Variants in SLC39A8 observed in about 807,000 individuals in gnomAD.
The protein encoded by SLC39A8 is metal cation symporter ZIP8.
SLC39A8 carries 15 observed loss-of-function variants against 40.4 expected under a neutral mutation model. The observed-to-expected ratio is 0.37, with a 90% CI of 0.25 to 0.57. SLC39A8 has a LOEUF of 0.57. SLC39A8 is among the 20% of genes least tolerant of loss of function. The pLI, the probability that SLC39A8 is intolerant of heterozygous loss-of-function variation, is 0.75. For missense variants in SLC39A8, 472 were observed against 558.8 expected (o/e 0.84, Z 1.57); for synonymous variants, 223 against 221.6 (o/e 1.01, Z -0.06).
In SLC39A8 at chr4:102,315,609, T is replaced by G. The variant is rs1734617921; in HGVS notation, c.382+59A>C. 2.1e-6 allele frequency: 3 copies of G among 1,462,514 alleles called. No homozygotes were observed. In the South Asian group the frequency reaches 4.4e-5, roughly 22 times the overall value. The allele number at this position is 1,462,514 out of a possible 1,614,324, so 90.6% of individuals were successfully genotyped here. A position where few individuals can be genotyped will look rare whatever the true frequency, so the allele number is the denominator to read the frequency against. ...AAGCAGAAAAAGAGGCATATTAACTTCATTTCACAATGGTTCATAGACTTT... is the reference window on the plus strand; with the variant it reads ...AAGCAGAAAAAGAGGCATATTAACTGCATTTCACAATGGTTCATAGACTTT... On this transcript the variant is annotated intron_variant, in intron 3 of 8. Transcript: ENST00000356736.
intron 11 of SLC39A8, among the ~76,000 whole-genome samples, chr4:102,254,745 T>C (rs1233298290): frequency 2.0e-5 from 3 of 152,220 alleles, no homozygotes; most frequent in Non-Finnish European, 1.5e-5. Flanking sequence ...GCATGGCTTG[T>C]CAAGGTATAT....
In SLC39A8 at chr4:102,339,797, C is replaced by G. The variant is rs897104177; in HGVS notation, c.219+4647G>C. On this transcript the variant is annotated intron_variant, in intron 2 of 8. Coordinates refer to ENST00000356736, the MANE Select transcript of SLC39A8 (RefSeq NM_001135146.2). The stretch of plus-strand genomic sequence containing the variant: ...AAATCCACTGCAGATGGCTCCTTAG[C>G]TCCCACCTTGACCCACTCCAATACA... Among the ~76,000 whole-genome samples the G allele has an allele frequency of 1.1e-4, 17 of 152,226 alleles. No homozygotes were observed. In the East Asian group the frequency reaches 3.3e-3, roughly 29 times the overall value.
intron 3 of SLC39A8, among the ~76,000 whole-genome samples, chr4:102,312,728 G>A (rs1391438491): frequency 1.3e-5 from 2 of 152,068 alleles, no homozygotes; most frequent in African/African-American, 4.8e-5. Context: ...ACTGAATAAT[G>A]TTCGAAGTAC....
chr4:102,321,357 TC>T (rs1273455820), intron 2 of SLC39A8, among the ~76,000 whole-genome samples: 2 of 152,172 alleles, frequency 1.3e-5, no homozygotes, highest in Non-Finnish European at 2.9e-5. Flanking sequence ...TCGGAGAATC[TC>T]TACCTGCCTG....
intron 6 of SLC39A8, among the ~76,000 whole-genome samples, chr4:102,298,844 G>T (rs1436559552): frequency 6.6e-6 from 1 of 152,038 alleles, no homozygotes; most frequent in Non-Finnish European, 1.5e-5. Context: ...CCTCAAAAAA[G>T]TTCAGGGATT....
At chr4:102,320,164 T>C (rs1734843881) in intron 2 of SLC39A8, among the ~76,000 whole-genome samples, 1 of 73,800 alleles carries the variant, frequency 1.4e-5, no homozygotes, top group Non-Finnish European at 2.8e-5. Context: ...CTCATATATA[T>C]ATACATATAT....
At chr4:102,342,389 CCTGGA>C (rs1211851116) in intron 2 of SLC39A8, among the ~76,000 whole-genome samples, 3 of 152,124 alleles carry the variant, frequency 2.0e-5, no homozygotes, top group Non-Finnish European at 4.4e-5. Flanking sequence ...ATCCCAGCTA[CCTGGA>C]AGGCTGAGGC....
chr4:102,344,993 G>T, intron 1 of SLC39A8, 78 bp from the exon 2 acceptor site: 1 of 961,244 alleles, frequency 1.0e-6, no homozygotes, highest in Non-Finnish European at 1.3e-6. Flanking sequence ...AACGCTGCGT[G>T]GCAGTAGCCC....
In SLC39A8 at chr4:102,304,351, A is replaced by T; in HGVS notation, c.806T>A (p.Ile269Asn). 1 of 1,611,408 alleles carries T rather than the reference A, an allele frequency of 6.2e-7. No homozygotes were observed. ...TACCACACTGACATTATCAAAATGG[A>T]TATGTCCATTAGCTTCTGTGACAGC... Reference protein sequence around the residue: ...NPAVTEANGHIHFDNVSVVSL... With the variant: ...NPAVTEANGHNHFDNVSVVSL... The change falls in exon 6 of 9, where the codon ATC (isoleucine) becomes AAC (asparagine). Residue 269 changes from isoleucine to asparagine, a missense_variant. By Grantham distance (149) the Ile-to-Asn change is moderately radical. This residue lies in a region of SLC39A8 where 239 missense variants were observed against 317.9 expected (regional missense o/e 0.75). Transcript: ENST00000356736.
chr4:102,292,872 C>T (rs1170595239), intron 6 of SLC39A8, among the ~76,000 whole-genome samples: 2 of 152,038 alleles, frequency 1.3e-5, no homozygotes, highest in African/African-American at 4.8e-5. Context: ...ATTTAATCCT[C>T]ATAATAATCC....
chr4:102,292,922 G>A (rs978723259), intron 6 of SLC39A8, among the ~76,000 whole-genome samples: 3 of 152,008 alleles, frequency 2.0e-5, no homozygotes, highest in Admixed American at 6.6e-5. Context: ...GATGAAGAAA[G>A]TGAGTTTTAG....
intron 6 of SLC39A8, among the ~76,000 whole-genome samples, chr4:102,281,692 G>C (rs1241303704): frequency 1.3e-5 from 2 of 152,076 alleles, no homozygotes; most frequent in African/African-American, 4.8e-5. Context: ...GCTATTCTCT[G>C]CAAGGGGCAA....
At chr4:102,267,727 A>G (rs1578557359) in intron 7 of SLC39A8, 53 bp from the exon 8 acceptor site, 2 of 1,544,988 alleles carry the variant, frequency 1.3e-6, no homozygotes, top group East Asian at 4.5e-5. Context: ...TTATTTCTGG[A>G]TGATATCAAA....
intron 3 of SLC39A8, among the ~76,000 whole-genome samples, 194 bp from the exon 4 acceptor site, chr4:102,307,799 T>C (rs769938533): frequency 6.6e-6 from 1 of 152,030 alleles, no homozygotes; most frequent in Non-Finnish European, 1.5e-5. Flanking sequence ...TTAATAGTAA[T>C]ACTGTTTATG....
At chr4:102,307,336 C>T in intron 4 of SLC39A8, 100 bp downstream of exon 4, 2 of 1,375,186 alleles carry the variant, frequency 1.5e-6, no homozygotes, top group Non-Finnish European at 2.0e-6. Context: ...TAAACTAGAC[C>T]ATAAAACGCT....
At chr4:102,341,397 G>C (rs563840459) in intron 2 of SLC39A8, among the ~76,000 whole-genome samples, 1 of 152,296 alleles carries the variant, frequency 6.6e-6, no homozygotes, top group African/African-American at 2.4e-5. Context: ...AACATTTGAA[G>C]AATGAGAAAG....
downstream of SLC39A8, among the ~76,000 whole-genome samples, chr4:102,260,944 A>G (rs973574668): frequency 1.4e-4 from 21 of 152,202 alleles, no homozygotes; most frequent in Non-Finnish European, 8.8e-5. Flanking sequence ...TAGTAAACTC[A>G]CTGATTCTGG....
At chr4:102,334,893 G>A (rs1735605186) in intron 2 of SLC39A8, among the ~76,000 whole-genome samples, 1 of 152,156 alleles carries the variant, frequency 6.6e-6, no homozygotes, top group African/African-American at 2.4e-5. Context: ...TTACTCCATG[G>A]GATCAGGAGG....
chr4:102,262,898 A>T lies in SLC39A8; in HGVS notation c.*146T>A. On this transcript the variant is annotated 3_prime_UTR_variant, in exon 9 of 9. Transcript: ENST00000356736. ...AACAACAAATAATGGACTATTTCACAGACTGATGCCAATAATTAGTTTTCT... is the reference window on the plus strand; with the variant it reads ...AACAACAAATAATGGACTATTTCACTGACTGATGCCAATAATTAGTTTTCT... 7.1e-7 allele frequency: 1 copy of T among 1,403,310 alleles called. No individual in the cohort carries two copies. The highest frequency in any genetic ancestry group is 9.2e-7 in the Non-Finnish European group (1 of 1,081,898). The allele number at this position is 1,403,310 out of a possible 1,614,324, so 86.9% of individuals were successfully genotyped here.
Sources: gnomAD v4.1 joint callset for allele counts (sites outside exome capture counted in the v4.1 genomes callset) on GRCh38, gnomAD v4.1.1 for gene constraint, gnomAD v4.1.1 regional missense constraint, MANE v1.5 for transcripts, NCBI Gene and HGNC (gene_info 2026-07-23, HGNC 2026-07-21) for gene names.